The following PTPRT variants were observed in gnomAD, a reference collection of about 807,000 sequenced individuals.
PTPRT encodes receptor-type tyrosine-protein phosphatase T.
Under a neutral mutation model 176.8 loss-of-function variants are expected in PTPRT, and 56 were observed. That is an observed-to-expected ratio of 0.32 (90% CI 0.26 to 0.40). The LOEUF (loss-of-function observed/expected upper bound fraction) is 0.40. Ranked by LOEUF, PTPRT falls within the 10% of genes least tolerant of loss-of-function variation. The pLI is 1.00. For synonymous variants in PTPRT, 783 were observed against 739.0 expected (o/e 1.06, Z -0.96); for missense variants, 1,540 against 1,908.2 (o/e 0.81, Z 3.60).
At chr20:42,474,861 C>G (rs957422445) in intron 7 of PTPRT, among the ~76,000 whole-genome samples, 4 of 152,108 alleles carry the variant, frequency 2.6e-5, no homozygotes, top group Admixed American at 6.5e-5. Context: ...ACTGCCCCTG[C>G]TCAGGGCCTC....
intron 13 of PTPRT, among the ~76,000 whole-genome samples, chr20:42,267,005 C>T (rs1479007763): frequency 2.0e-5 from 3 of 152,246 alleles, no homozygotes; most frequent in Non-Finnish European, 4.4e-5. Context: ...TTTAATTTTG[C>T]TGCATATAAT....
At chr20:42,736,540 T>C (rs1161687515) in intron 6 of PTPRT, among the ~76,000 whole-genome samples, 2 of 152,186 alleles carry the variant, frequency 1.3e-5, no homozygotes, top group East Asian at 3.8e-4. Flanking sequence ...GTGGAACCCA[T>C]AACCTAATGA....
chr20:42,101,904 C>A lies in PTPRT; in HGVS notation c.3714+220G>T, dbSNP rs529474417. Among the ~76,000 whole-genome samples, 14 of 152,338 alleles carry A rather than the reference C, an allele frequency of 9.2e-5. 1 individual carries two copies. The highest frequency in any genetic ancestry group is 3.4e-4 in the African/African-American group (14 of 41,578). On this transcript the variant is annotated intron_variant, in intron 26 of 30. Coordinates refer to ENST00000373187, the MANE Select transcript of PTPRT (RefSeq NM_007050.6). ...AGCCACCTTACGCTTCTGGTCTATT[C>A]TTTCCAGGCTCTTTGTATGAGAAAA... is the stretch of plus-strand genomic sequence containing the variant.
rs201914429 is a variant in PTPRT, at chr20:42,119,887, G to A, written c.2884+48C>T. The A allele has an allele frequency of 2.1e-4, 328 of 1,540,158 alleles. 1 individual carries two copies. In the African/African-American group the frequency reaches 3.5e-3, roughly 16 times the overall value. ...GCAGTTAAGAGAGCCCTTTCCCCTG[G>A]GACCCCTGAAGCCTCTCTGAGGCAC... is the stretch of plus-strand genomic sequence containing the variant. On this transcript the variant is annotated intron_variant, in intron 20 of 30. Transcript: ENST00000373187.
chr20:43,127,688 A>G (rs1397120225), intron 1 of PTPRT, among the ~76,000 whole-genome samples: 1 of 152,186 alleles, frequency 6.6e-6, no homozygotes, highest in Non-Finnish European at 1.5e-5. Context: ...GAGGGATGTT[A>G]AAGAGCCCAG....
chr20:42,085,239 C>T (rs1212606217), intron 28 of PTPRT, among the ~76,000 whole-genome samples: 3 of 152,144 alleles, frequency 2.0e-5, no homozygotes, highest in African/African-American at 7.2e-5. Context: ...CTCCTTTCAT[C>T]CTGGGCCCCA....
chr20:42,796,237 GA>G (rs1473605836), intron 2 of PTPRT, among the ~76,000 whole-genome samples: 1 of 152,106 alleles, frequency 6.6e-6, no homozygotes, highest in Non-Finnish European at 1.5e-5. Context: ...AAATTAAGTA[GA>G]AAAAAATCAT....
At chr20:42,539,575 A>G (rs111360428) in intron 7 of PTPRT, among the ~76,000 whole-genome samples, 2,237 of 152,000 alleles carry the variant, frequency 0.015, 56 homozygotes, top group African/African-American at 0.051. Context: ...AGCATCAAAC[A>G]TGAAAGATAG....
chr20:42,610,926 A>ACTAC (rs1231464860), intron 7 of PTPRT, among the ~76,000 whole-genome samples: 4 of 119,254 alleles, frequency 3.4e-5, no homozygotes, highest in African/African-American at 1.8e-4. Context: ...ATTGCAATAC[A>ACTAC]CTAGTCTTTC....
At chr20:42,754,193 A>ATT (rs953118384) in intron 6 of PTPRT, among the ~76,000 whole-genome samples, 1 of 133,880 alleles carries the variant, frequency 7.5e-6, no homozygotes, top group Admixed American at 9.1e-5. Flanking sequence ...TTCAAAAAAA[A>ATT]TTTTTTTTTT....
At chr20:42,947,246 G>C (rs559266165) in intron 1 of PTPRT, among the ~76,000 whole-genome samples, 1 of 152,302 alleles carries the variant, frequency 6.6e-6, no homozygotes, top group South Asian at 2.1e-4. Context: ...CAAGAATGCA[G>C]GCTTACAGGA....
chr20:42,035,101 G>A, the PTPRT span, among the ~76,000 whole-genome samples: 53 of 152,202 alleles, frequency 3.5e-4, no homozygotes, highest in Non-Finnish European at 2.9e-4. Flanking sequence ...CTCTCAGGAA[G>A]CCCATGTCCG....
chr20:42,367,935 T>A (rs2058537151), intron 9 of PTPRT, among the ~76,000 whole-genome samples: 1 of 152,134 alleles, frequency 6.6e-6, no homozygotes, highest in South Asian at 2.1e-4. Flanking sequence ...ACTGAACTCT[T>A]CATCCTGAAA....
intron 12 of PTPRT, among the ~76,000 whole-genome samples, chr20:42,296,445 CA>C (rs139929018): frequency 6.3e-4 from 78 of 123,710 alleles, no homozygotes; most frequent in Middle Eastern, 4.4e-3. Context: ...GACTCTGTCT[CA>C]AAAAAAAAAA....
At chr20:42,409,793 T>C (rs1007492492) in intron 9 of PTPRT, among the ~76,000 whole-genome samples, 1 of 152,234 alleles carries the variant, frequency 6.6e-6, no homozygotes, top group African/African-American at 2.4e-5. Flanking sequence ...TGTTAGAATA[T>C]AGCAACACAT....
chr20:42,266,990 TTTTC>T (rs2056849248), intron 13 of PTPRT, among the ~76,000 whole-genome samples: 1 of 152,224 alleles, frequency 6.6e-6, no homozygotes, highest in Non-Finnish European at 1.5e-5. Flanking sequence ...TCATCTGTTG[TTTTC>T]TTTAATTTTG....
intron 9 of PTPRT, 49 bp downstream of exon 9, chr20:42,448,171 G>A (rs770222381): frequency 7.1e-7 from 1 of 1,400,178 alleles, no homozygotes; most frequent in Non-Finnish European, 1.0e-6. Context: ...AGGCTGAAGT[G>A]ACTTGAATAA....
At chr20:42,201,975 G>GTGTGTGTGTA (rs1380398908) in intron 15 of PTPRT, among the ~76,000 whole-genome samples, 5 of 151,304 alleles carry the variant, frequency 3.3e-5, no homozygotes, top group African/African-American at 1.2e-4. Flanking sequence ...GTGTGTGTGT[G>GTGTGTGTGTA]TGTATGTATG....
rs191748234 is a variant in PTPRT, at chr20:42,962,371, T to C, written c.89-76439A>G. On this transcript the variant is annotated intron_variant, in intron 1 of 30. Transcript: ENST00000373187. ...ACCAGTGCAGACAGAAAGCTCCCAA[T>C]AATAAAATGACCAGGAGTAAATTAG... 4.6e-5 allele frequency among the ~76,000 whole-genome samples: 7 copies of C among 151,748 alleles called. No homozygotes were observed. In the East Asian group the frequency reaches 1.4e-3, roughly 29 times the overall value.
Sources: gnomAD v4.1 joint callset for allele counts (sites outside exome capture counted in the v4.1 genomes callset) on GRCh38, gnomAD v4.1.1 for gene constraint, MANE v1.5 for transcripts, NCBI Gene and HGNC (gene_info 2026-07-23, HGNC 2026-07-21) for gene names.